Variants in GIP observed in about 807,000 individuals in gnomAD.
The protein encoded by GIP is gastric inhibitory polypeptide.
A neutral mutation model predicts 18.1 loss-of-function variants in GIP; 16 were observed. The observed-to-expected ratio is 0.88, with a 90% CI of 0.60 to 1.34. GIP has a LOEUF of 1.34. Ranked by LOEUF, GIP falls within the 40% of genes most tolerant of loss-of-function variation. GIP has a pLI of 0.00. For synonymous variants in GIP, 76 were observed against 74.0 expected (o/e 1.03, Z -0.14); for missense variants, 192 against 183.4 (o/e 1.05, Z -0.27).
intron 2 of GIP, among the ~76,000 whole-genome samples, chr17:48,966,070 C>T (rs2041234418): frequency 6.6e-6 from 1 of 151,830 alleles, no homozygotes; most frequent in Non-Finnish European, 1.5e-5. Context: ...CCAGCATGGC[C>T]AAGATGGTGA....
At chr17:48,958,910 A>T (rs2041183862) in intron 5 of GIP, among the ~76,000 whole-genome samples, 194 bp from the exon 6 acceptor site, 1 of 148,606 alleles carries the variant, frequency 6.7e-6, no homozygotes, top group South Asian at 2.1e-4. Flanking sequence ...GCTGGAGTGC[A>T]GTGGCGCGAT....
At chr17:48,961,285 C>T (rs1039902986) in intron 4 of GIP, among the ~76,000 whole-genome samples, 2 of 152,168 alleles carry the variant, frequency 1.3e-5, no homozygotes, top group Non-Finnish European at 2.9e-5. Context: ...GTACTTTGGG[C>T]ACATTCACTC....
intron 4 of GIP, 111 bp downstream of exon 4, chr17:48,961,616 G>T: frequency 1.5e-6 from 1 of 674,422 alleles, no homozygotes; most frequent in South Asian, 1.7e-5. Flanking sequence ...GAGAGGAAGA[G>T]GATGCTTATC....
intron 5 of GIP, among the ~76,000 whole-genome samples, chr17:48,959,781 G>A (rs1376164736): frequency 2.2e-5 from 3 of 134,140 alleles, no homozygotes; most frequent in African/African-American, 8.2e-5. Context: ...GACACAGGAT[G>A]GGCTCAGCTC....
At position 48,960,927 on chromosome 17, in the gene GIP, C is replaced by A. The variant is rs763202556; in HGVS notation, c.411G>T (p.Leu137=). 6.2e-7 allele frequency: 1 copy of A among 1,608,796 alleles called. No individual in the cohort carries two copies. The highest frequency in any genetic ancestry group is 8.5e-7 in the Non-Finnish European group (1 of 1,177,880). ...TTGTCTGATCCAGCAAGCAGGCCAA[C>A]AGCTCTTGAATCAGCAAGTCCCGCA... ...DLLRDLLIQE[L]LACLLDQTNL... The change falls in exon 5 of 6, where the codon CTG becomes CTT. Residue 137 remains leucine, a synonymous_variant. Transcript: ENST00000357424.
intron 3 of GIP, among the ~76,000 whole-genome samples, chr17:48,962,525 C>T (rs1350841430): frequency 1.3e-5 from 2 of 151,996 alleles, no homozygotes. Flanking sequence ...CGTGCCACCA[C>T]ACCCAGCTAA....
chr17:48,964,560 G>A, intron 2 of GIP, 80 bp from the exon 3 acceptor site: 1 of 1,261,666 alleles, frequency 7.9e-7, no homozygotes, highest in Non-Finnish European at 1.1e-6. Flanking sequence ...ACTAACAGGA[G>A]GCAGACACTT....
chr17:48,963,862 A>AAGAG (rs1555588105), intron 3 of GIP, among the ~76,000 whole-genome samples: 9 of 136,694 alleles, frequency 6.6e-5, no homozygotes, highest in Non-Finnish European at 1.1e-4. Context: ...AAAAAAAAAA[A>AAGAG]AGAGAGAGAG....
At chr17:48,967,359 C>CTT (rs369779985) in intron 1 of GIP, 106 bp from the exon 2 acceptor site, 6,074 of 501,810 alleles carry the variant, frequency 0.012, 225 homozygotes, top group African/African-American at 0.09. Flanking sequence ...TTTCCTTTTT[C>CTT]TTTTTTTTTT....
chr17:48,967,166 T>G lies in GIP; in HGVS notation c.67A>C (p.Lys23Gln). ...TCCTACCTGAAGTGACCCTCTTTCT[T>G]CTCTCCTAGTCCCACTGCCAGGAAC... The part of the protein sequence containing the change: ...SLFLAVGLGE[K>Q]KEGHFSALPS... The change falls in exon 2 of 6, where the codon AAG becomes CAG. Residue 23 changes from lysine to glutamine, a missense_variant. Coordinates refer to ENST00000357424, the MANE Select transcript of GIP (RefSeq NM_004123.3). 2 of 1,613,262 alleles carry G rather than the reference T, an allele frequency of 1.2e-6. No homozygotes were observed. The highest frequency in any genetic ancestry group is 1.7e-6 in the Non-Finnish European group (2 of 1,179,426).
chr17:48,961,444 C>T (rs561150961), intron 4 of GIP, among the ~76,000 whole-genome samples: 1 of 152,238 alleles, frequency 6.6e-6, no homozygotes, highest in Admixed American at 6.5e-5. Flanking sequence ...TCTTTCCTGC[C>T]CTTCTCCTGA....
At position 48,967,256 on chromosome 17, in the gene GIP, A is replaced by G; in HGVS notation, c.-21-3T>C. The G allele has an allele frequency of 6.2e-7, 1 of 1,603,786 alleles. No homozygotes were observed. Among genetic ancestry groups the G allele is most frequent in the Non-Finnish European group, 8.5e-7 (1 of 1,170,622 alleles). On this transcript the variant is annotated splice_region_variant and splice_polypyrimidine_tract_variant and intron_variant, in intron 1 of 5. Coordinates refer to ENST00000357424, the MANE Select transcript of GIP (RefSeq NM_004123.3). ...ATCTTCCAAGGTTATTTCCTGAGCT[A>G]AGACAGAAAAAAGCCAGGACATGTT...
At chr17:48,966,253 A>G (rs1374438490) in intron 2 of GIP, among the ~76,000 whole-genome samples, 1 of 103,054 alleles carries the variant, frequency 9.7e-6, no homozygotes, top group Non-Finnish European at 1.9e-5. Context: ...TGAGACTCCA[A>G]TTAAAAAAAA....
chr17:48,966,820 G>GA (rs1165736114), intron 2 of GIP, among the ~76,000 whole-genome samples: 1 of 151,658 alleles, frequency 6.6e-6, no homozygotes, highest in Non-Finnish European at 1.5e-5. Flanking sequence ...AAAGAAAAAA[G>GA]AAAAAAAGAA....
chr17:48,961,890 T>TA, intron 3 of GIP, 71 bp from the exon 4 acceptor site: 1 of 1,103,706 alleles, frequency 9.1e-7, no homozygotes, highest in South Asian at 1.3e-5. Flanking sequence ...AATCTTTTAA[T>TA]ATCTGAACCC....
intron 3 of GIP, among the ~76,000 whole-genome samples, chr17:48,962,879 C>T (rs992455327): frequency 2.0e-5 from 3 of 148,980 alleles, no homozygotes; most frequent in African/African-American, 7.4e-5. Context: ...CCGAGGAGGG[C>T]AGATCACGAG....
chr17:48,964,848 G>A (rs2041226010), intron 2 of GIP, among the ~76,000 whole-genome samples: 1 of 152,140 alleles, frequency 6.6e-6, no homozygotes, highest in African/African-American at 2.4e-5. Context: ...ACAAAAATTA[G>A]CCAGGCGTTG....
intron 2 of GIP, among the ~76,000 whole-genome samples, chr17:48,965,604 C>CA (rs33918974): frequency 0.02 from 1,703 of 84,216 alleles, 87 homozygotes; most frequent in East Asian, 0.036. Context: ...GACTCCATCT[C>CA]AAAAAAAAAA....
intron 3 of GIP, among the ~76,000 whole-genome samples, chr17:48,962,730 C>G (rs1008995266): frequency 6.6e-6 from 1 of 152,174 alleles, no homozygotes; most frequent in African/African-American, 2.4e-5. Context: ...TTAGAAGGAG[C>G]TCGTCTCTCC....
Sources: allele counts gnomAD v4.1 joint callset (sites outside exome capture counted in the v4.1 genomes callset), GRCh38; gene constraint gnomAD v4.1.1; transcripts MANE v1.5; gene names NCBI Gene and HGNC (gene_info 2026-07-23, HGNC 2026-07-21).